Variants in NARS2 observed in about 807,000 individuals in gnomAD.
NARS2 encodes the protein asparaginyl-tRNA synthetase 2, mitochondrial.
In NARS2, 60 loss-of-function variants were observed where a neutral mutation model predicts 62.9. The ratio of observed to expected loss-of-function variants is 0.95; its 90% CI spans 0.77 to 1.18. The LOEUF is 1.18. Ranked by LOEUF, NARS2 falls within the 50% of genes most tolerant of loss-of-function variation. The pLI, the probability that NARS2 is intolerant of heterozygous loss-of-function variation, is 0.00. For missense variants in NARS2, 619 were observed against 576.4 expected (o/e 1.07, Z -0.76); for synonymous variants, 196 against 200.0 (o/e 0.98, Z 0.17).
chr11:78,471,393 C>T (rs1858866889), intron 9 of NARS2, among the ~76,000 whole-genome samples: 1 of 152,196 alleles, frequency 6.6e-6, no homozygotes, highest in Non-Finnish European at 1.5e-5. Context: ...ACCACTTCAT[C>T]TGATTCTACT....
intron 11 of NARS2, among the ~76,000 whole-genome samples, chr11:78,445,917 A>C (rs1381714177): frequency 6.6e-6 from 1 of 152,144 alleles, no homozygotes; most frequent in Non-Finnish European, 1.5e-5. Flanking sequence ...CCATGATTAT[A>C]CCACCTGTAC....
At chr11:78,557,357 G>C (rs1012157915) in intron 5 of NARS2, among the ~76,000 whole-genome samples, 1 of 152,182 alleles carries the variant, frequency 6.6e-6, no homozygotes, top group African/African-American at 2.4e-5. Flanking sequence ...TGCTTCTACA[G>C]GCAGCCAGGA....
At chr11:78,559,718 C>T in intron 4 of NARS2, 99 bp from the exon 5 acceptor site, 1 of 781,802 alleles carries the variant, frequency 1.3e-6, no homozygotes, top group Non-Finnish European at 2.2e-6. Context: ...TAAGCAGATG[C>T]TGTATCAAAT....
At chr11:78,568,022 G>A (rs1027914113) in intron 3 of NARS2, among the ~76,000 whole-genome samples, 4 of 152,212 alleles carry the variant, frequency 2.6e-5, no homozygotes, top group African/African-American at 7.2e-5. Context: ...GCTAACAGAA[G>A]AGTCTTGCAA....
chr11:78,522,133 T>G (rs1017435077), intron 6 of NARS2, among the ~76,000 whole-genome samples: 1 of 151,660 alleles, frequency 6.6e-6, no homozygotes, highest in African/African-American at 2.4e-5. Context: ...TTTTTTTTTT[T>G]TTTTTGGTAG....
chr11:78,507,149 G>A (rs1431161106), intron 6 of NARS2, among the ~76,000 whole-genome samples: 2 of 151,006 alleles, frequency 1.3e-5, no homozygotes, highest in South Asian at 2.1e-4. Flanking sequence ...ATTGTTACAC[G>A]CCCCTCCCCA....
intron 5 of NARS2, among the ~76,000 whole-genome samples, chr11:78,559,082 A>G (rs904250905): frequency 1.3e-5 from 2 of 152,224 alleles, no homozygotes; most frequent in South Asian, 2.1e-4. Context: ...AGGCAGGTGG[A>G]TTACAAGGTC....
chr11:78,519,153 T>C (rs1177951103), intron 6 of NARS2, among the ~76,000 whole-genome samples: 1 of 152,206 alleles, frequency 6.6e-6, no homozygotes, highest in Non-Finnish European at 1.5e-5. Flanking sequence ...TTAACTCAGA[T>C]TCACATGATG....
intron 6 of NARS2, among the ~76,000 whole-genome samples, chr11:78,518,079 C>T (rs1223462125): frequency 2.0e-5 from 3 of 151,946 alleles, no homozygotes; most frequent in East Asian, 1.9e-4. Context: ...CAGATTCAAC[C>T]GACTTTGGAT....
At chr11:78,534,204 G>A (rs1220681973) in intron 5 of NARS2, among the ~76,000 whole-genome samples, 2 of 152,170 alleles carry the variant, frequency 1.3e-5, no homozygotes, top group Non-Finnish European at 2.9e-5. Flanking sequence ...TATGGTTGGA[G>A]TATATCTAGT....
intron 5 of NARS2, among the ~76,000 whole-genome samples, chr11:78,542,898 T>C (rs995238756): frequency 3.9e-5 from 6 of 152,146 alleles, no homozygotes; most frequent in African/African-American, 7.2e-5. Flanking sequence ...GAGCGAGACC[T>C]TGGGTCAAAA....
chr11:78,506,875 T>C (rs1271788360), intron 6 of NARS2, among the ~76,000 whole-genome samples: 4 of 152,180 alleles, frequency 2.6e-5, no homozygotes, highest in African/African-American at 9.6e-5. Flanking sequence ...GTCTATGGAA[T>C]ACCCGCAACT....
chr11:78,438,079 A>G (rs990190112), intron 13 of NARS2, among the ~76,000 whole-genome samples: 3 of 152,104 alleles, frequency 2.0e-5, no homozygotes, highest in African/African-American at 4.8e-5. Flanking sequence ...CGTAAGCAAC[A>G]TAACTTGTAG....
intron 11 of NARS2, among the ~76,000 whole-genome samples, chr11:78,444,442 A>C (rs540329306): frequency 6.6e-6 from 1 of 152,160 alleles, no homozygotes; most frequent in Non-Finnish European, 1.5e-5. Context: ...ATGGCTGGGC[A>C]CAGTAGCTCA....
At chr11:78,517,171 A>G (rs569267807) in intron 6 of NARS2, among the ~76,000 whole-genome samples, 5 of 152,242 alleles carry the variant, frequency 3.3e-5, no homozygotes, top group Admixed American at 1.3e-4. Context: ...GCAAAGGGAC[A>G]TGGAAGCAAA....
chr11:78,554,527 G>GTGTGTGTGTGTGTGTC (rs1333535188), intron 5 of NARS2, among the ~76,000 whole-genome samples: 5 of 151,842 alleles, frequency 3.3e-5, no homozygotes, highest in Admixed American at 6.6e-5. Flanking sequence ...GTGTGTGTGT[G>GTGTGTGTGTGTGTGTC]TGTCAACTGT....
At chr11:78,537,194 G>C (rs1370682269) in intron 5 of NARS2, among the ~76,000 whole-genome samples, 1 of 152,138 alleles carries the variant, frequency 6.6e-6, no homozygotes, top group Non-Finnish European at 1.5e-5. Context: ...GACCATATAT[G>C]GATGGAGAGA....
intron 11 of NARS2, 95 bp downstream of exon 11, chr11:78,465,781 G>T: frequency 7.5e-7 from 1 of 1,334,292 alleles, no homozygotes; most frequent in Non-Finnish European, 1.1e-6. Flanking sequence ...TTAAGAGATA[G>T]AGTGATAGAT....
intron 11 of NARS2, among the ~76,000 whole-genome samples, chr11:78,458,813 T>C (rs187722232): frequency 7.2e-5 from 11 of 152,328 alleles, no homozygotes; most frequent in African/African-American, 2.4e-4. Flanking sequence ...TGTACTTCCA[T>C]AATTCCCACT....
Sources: allele counts gnomAD v4.1 joint callset (sites outside exome capture counted in the v4.1 genomes callset), GRCh38; gene constraint gnomAD v4.1.1; transcripts MANE v1.5; gene names NCBI Gene and HGNC (gene_info 2026-07-23, HGNC 2026-07-21).